CSNK2A2IP: variants seen among roughly 807,000 people sequenced by gnomAD.
The protein encoded by CSNK2A2IP is casein kinase 2 subunit alpha' interacting protein.
the CSNK2A2IP span, among the ~76,000 whole-genome samples, chr3:88,445,275 C>CAAAAAAAACAAAAAAAAAA: frequency 2.1e-5 from 1 of 47,762 alleles, no homozygotes; most frequent in Non-Finnish European, 3.9e-5. Context: ...GTAAAAATAC[C>CAAAAAAAACAAAAAAAAAA]AAAAAAAAAA....
chr3:88,418,464 G>GTGTGTGCGCA, the CSNK2A2IP span, among the ~76,000 whole-genome samples: 1 of 36,822 alleles, frequency 2.7e-5, no homozygotes, highest in African/African-American at 9.6e-5. Flanking sequence ...GTGTGTGTGT[G>GTGTGTGCGCA]CGCGCGGGCG....
At chr3:88,395,247 T>C in the CSNK2A2IP span, among the ~76,000 whole-genome samples, 1 of 152,246 alleles carries the variant, frequency 6.6e-6, no homozygotes, top group South Asian at 2.1e-4. Flanking sequence ...TAAGACATCT[T>C]TGTTTATCCA....
chr3:88,408,214 T>C, the CSNK2A2IP span, among the ~76,000 whole-genome samples: 2 of 152,074 alleles, frequency 1.3e-5, no homozygotes, highest in African/African-American at 2.4e-5. Flanking sequence ...ACTTAGGCAG[T>C]TTTCATAAAG....
chr3:88,361,895 C>A, the CSNK2A2IP span, among the ~76,000 whole-genome samples: 2 of 151,888 alleles, frequency 1.3e-5, no homozygotes, highest in South Asian at 2.1e-4. Flanking sequence ...GACTCTGATG[C>A]ATTTCTCAGT....
chr3:88,403,890 G>T, the CSNK2A2IP span, among the ~76,000 whole-genome samples: 2 of 152,106 alleles, frequency 1.3e-5, no homozygotes, highest in Non-Finnish European at 2.9e-5. Flanking sequence ...ATTGATACTT[G>T]CTGGTGAAAA....
At chr3:88,342,017 T>C in the CSNK2A2IP span, among the ~76,000 whole-genome samples, 1 of 152,040 alleles carries the variant, frequency 6.6e-6, no homozygotes, top group African/African-American at 2.4e-5. Flanking sequence ...CTGACATATA[T>C]ACTAGTATAA....
At chr3:88,384,814 A>G in the CSNK2A2IP span, among the ~76,000 whole-genome samples, 1 of 152,140 alleles carries the variant, frequency 6.6e-6, no homozygotes, top group African/African-American at 2.4e-5. Flanking sequence ...GCAGATTGGT[A>G]TATATTTGGG....
the CSNK2A2IP span, among the ~76,000 whole-genome samples, chr3:88,377,996 A>T: frequency 6.6e-6 from 1 of 151,940 alleles, no homozygotes; most frequent in Admixed American, 6.6e-5. Flanking sequence ...ACATACCTCA[A>T]AACTACATAT....
At chr3:88,380,951 T>C in the CSNK2A2IP span, among the ~76,000 whole-genome samples, 1 of 152,050 alleles carries the variant, frequency 6.6e-6, no homozygotes, top group Non-Finnish European at 1.5e-5. Flanking sequence ...TATTAGAGAG[T>C]TTGGGATGAT....
At chr3:88,389,510 G>A in the CSNK2A2IP span, among the ~76,000 whole-genome samples, 1 of 152,184 alleles carries the variant, frequency 6.6e-6, no homozygotes, top group African/African-American at 2.4e-5. Context: ...TCGTAAGGAT[G>A]CTGGCTTTTC....
At chr3:88,443,183 G>A in the CSNK2A2IP span, among the ~76,000 whole-genome samples, 2 of 152,034 alleles carry the variant, frequency 1.3e-5, no homozygotes, top group African/African-American at 2.4e-5. Context: ...AGTTATATGA[G>A]TTAAGAATAT....
the CSNK2A2IP span, among the ~76,000 whole-genome samples, chr3:88,448,901 T>C: frequency 6.6e-6 from 1 of 152,246 alleles, no homozygotes; most frequent in Non-Finnish European, 1.5e-5. Flanking sequence ...TTTTGACATA[T>C]ATAAATTCTG....
chr3:88,431,551 A>G, the CSNK2A2IP span, among the ~76,000 whole-genome samples: 63 of 152,284 alleles, frequency 4.1e-4, no homozygotes, highest in Non-Finnish European at 6.6e-4. Flanking sequence ...GCAAATCACC[A>G]CTAAGGAACT....
the CSNK2A2IP span, among the ~76,000 whole-genome samples, chr3:88,441,228 C>T: frequency 3.7e-4 from 57 of 152,034 alleles, no homozygotes; most frequent in African/African-American, 1.3e-3. Flanking sequence ...TAACTGTTGC[C>T]AAGAAAATGA....
At chr3:88,397,359 A>G in the CSNK2A2IP span, among the ~76,000 whole-genome samples, 4 of 152,170 alleles carry the variant, frequency 2.6e-5, no homozygotes, top group Non-Finnish European at 5.9e-5. Context: ...TGCTACCTTT[A>G]CAATAGTATA....
At chr3:88,381,053 C>G in the CSNK2A2IP span, among the ~76,000 whole-genome samples, 1 of 152,126 alleles carries the variant, frequency 6.6e-6, no homozygotes, top group South Asian at 2.1e-4. Context: ...ACGCCAGGCT[C>G]TTGCTTATGT....
the CSNK2A2IP span, among the ~76,000 whole-genome samples, chr3:88,407,512 CT>C: frequency 6.6e-6 from 1 of 152,150 alleles, no homozygotes; most frequent in African/African-American, 2.4e-5. Context: ...CCTCTTTTCA[CT>C]TTTGGAATCA....
chr3:88,458,148 T>G, the CSNK2A2IP span, among the ~76,000 whole-genome samples: 14,956 of 108,680 alleles, frequency 0.14, 1,142 homozygotes, highest in East Asian at 0.21. Flanking sequence ...GTGGTTTTTT[T>G]TTTTTTTTTT....
the CSNK2A2IP span, among the ~76,000 whole-genome samples, chr3:88,381,108 T>C: frequency 0.038 from 5,733 of 152,308 alleles, 269 homozygotes; most frequent in African/African-American, 0.11. Context: ...CCTCAGTGGC[T>C]TGCACTTATG....
Sources: gnomAD v4.1 joint callset for allele counts (sites outside exome capture counted in the v4.1 genomes callset) on GRCh38, gnomAD v4.1.1 for gene constraint, MANE v1.5 for transcripts, NCBI Gene and HGNC (gene_info 2026-07-23, HGNC 2026-07-21) for gene names.